ADAMTS18: variants seen among roughly 807,000 people sequenced by gnomAD.
ADAMTS18 encodes the protein ADAM metallopeptidase with thrombospondin type 1 motif 18, also known as A disintegrin and metalloproteinase with thrombospondin motifs 18.
In ADAMTS18, 157 loss-of-function variants were observed where a neutral mutation model predicts 165.9. The ratio of observed to expected loss-of-function variants is 0.95; its 90% CI spans 0.83 to 1.08. The LOEUF (loss-of-function observed/expected upper bound fraction) is 1.08, where lower values mean the gene tolerates loss of function less well. Ranked by LOEUF, ADAMTS18 falls within the 50% of genes least tolerant of loss-of-function variation. ADAMTS18 has a pLI of 0.00. For missense variants in ADAMTS18, 2,040 were observed against 1,534.0 expected, an observed-to-expected ratio of 1.33 and a Z score of -5.51; for synonymous variants, 782 against 578.2, an observed-to-expected ratio of 1.35 and a Z score of -5.06.
intron 3 of ADAMTS18, among the ~76,000 whole-genome samples, chr16:77,421,489 T>A (rs1349529303): frequency 6.6e-6 from 1 of 152,264 alleles, no homozygotes; most frequent in Non-Finnish European, 1.5e-5. Flanking sequence ...CAGTACCACT[T>A]TCTCTTAAAC....
chr16:77,290,759 G>C (rs1043525887), intron 21 of ADAMTS18: 5 of 169,102 alleles, frequency 3.0e-5, no homozygotes, highest in African/African-American at 1.2e-4. Context: ...GTTTAAAAGC[G>C]AAGTATCCTT....
chr16:77,342,740 A>C (rs1216377527), intron 10 of ADAMTS18, among the ~76,000 whole-genome samples: 1 of 152,238 alleles, frequency 6.6e-6, no homozygotes, highest in Admixed American at 6.5e-5. Flanking sequence ...GGATCCTGTG[A>C]ATATGTGAAG....
intron 3 of ADAMTS18, among the ~76,000 whole-genome samples, chr16:77,407,254 T>C (rs2144820632): frequency 6.6e-6 from 1 of 152,174 alleles, no homozygotes; most frequent in Admixed American, 6.5e-5. Flanking sequence ...AGCATAAAAA[T>C]ATCAAACAGG....
At chr16:77,350,148 T>C (rs2056534971) in intron 10 of ADAMTS18, among the ~76,000 whole-genome samples, 1 of 152,224 alleles carries the variant, frequency 6.6e-6, no homozygotes, top group South Asian at 2.1e-4. Flanking sequence ...GGGCGCTCTC[T>C]CCACTTGTTA....
At position 77,388,450 on chromosome 16, in the gene ADAMTS18, A is replaced by G. The variant is rs574398768; in HGVS notation, c.496-20727T>C. On this transcript the variant is annotated intron_variant, in intron 3 of 22. Coordinates refer to ENST00000282849, the MANE Select transcript of ADAMTS18 (RefSeq NM_199355.4). ...TCAAAAACACTTCTCTTTAAGTCAT[A>G]ATATCAGAAAACATCGTGATCACGC... Among the ~76,000 whole-genome samples the G allele has an allele frequency of 4.0e-4, 61 of 152,268 alleles. 1 individual carries two copies. The highest frequency in any genetic ancestry group is 6.9e-4 in the Non-Finnish European group (47 of 68,022).
chr16:77,425,054 A>T (rs1055958253), intron 3 of ADAMTS18, among the ~76,000 whole-genome samples: 11 of 152,214 alleles, frequency 7.2e-5, no homozygotes, highest in Non-Finnish European at 1.2e-4. Context: ...GAGTCATAAA[A>T]TACTTTTGAA....
chr16:77,386,571 C>G (rs13330085), intron 3 of ADAMTS18, among the ~76,000 whole-genome samples: 1 of 152,140 alleles, frequency 6.6e-6, no homozygotes, highest in Non-Finnish European at 1.5e-5. Flanking sequence ...TCCAGTTCAT[C>G]AAAGCCCTAC....
At chr16:77,374,303 A>C (rs1305905733) in intron 3 of ADAMTS18, among the ~76,000 whole-genome samples, 1 of 152,152 alleles carries the variant, frequency 6.6e-6, no homozygotes, top group African/African-American at 2.4e-5. Context: ...ATATCAGAGA[A>C]GGAAACCAGA....
At chr16:77,289,137 C>T (rs2055312895) in intron 22 of ADAMTS18, 127 bp downstream of exon 22, 3 of 1,245,548 alleles carry the variant, frequency 2.4e-6, no homozygotes, top group South Asian at 2.4e-5. Context: ...AGCACTGTCA[C>T]ATAGACTTCG....
At chr16:77,318,522 G>A (rs927735000) in intron 16 of ADAMTS18, among the ~76,000 whole-genome samples, 4 of 152,072 alleles carry the variant, frequency 2.6e-5, no homozygotes, top group African/African-American at 9.7e-5. Flanking sequence ...GGTGGTTGTG[G>A]GCATTCAGGA....
At chr16:77,334,478 GTATATATTATATAGTATATATACTGT>G (rs1227812002) in intron 12 of ADAMTS18, among the ~76,000 whole-genome samples, 23 of 108,508 alleles carry the variant, frequency 2.1e-4, no homozygotes, top group African/African-American at 8.4e-4. Flanking sequence ...GTATATTATA[GTATATATTATATAGTATATATACTGT>G]ATATTATAGT....
rs745558999 is a variant in ADAMTS18, at chr16:77,355,961, T to A, written c.1439A>T (p.Gln480Leu). 4.3e-6 allele frequency: 7 copies of A among 1,614,096 alleles called. No homozygotes were observed. The highest frequency in any genetic ancestry group is 5.1e-6 in the Non-Finnish European group (6 of 1,179,958). ...GVFSWSSCSR[Q>L]YLKKFLSTPQ... ...ATACCTGAGGAATTTCTTGAGATAC[T>A]GGCGGCTGCAGGAAGACCATGAAAA... The change falls in exon 9 of 23, where the codon CAG (glutamine) becomes CTG (leucine). Residue 480 changes from glutamine to leucine, a missense_variant. Physicochemically the swap from Gln to Leu is moderately radical, Grantham distance 113. Transcript: ENST00000282849.
chr16:77,298,523 G>A (rs766135199), intron 17 of ADAMTS18, among the ~76,000 whole-genome samples: 24 of 152,148 alleles, frequency 1.6e-4, no homozygotes, highest in Non-Finnish European at 2.2e-4. Context: ...CGGGCACGAT[G>A]GCTCACACTG....
intron 20 of ADAMTS18, 109 bp from the exon 21 acceptor site, chr16:77,291,587 G>C (rs2055365988): frequency 1.8e-6 from 2 of 1,101,006 alleles, no homozygotes; most frequent in Non-Finnish European, 2.8e-6. Context: ...AGGAGGGATG[G>C]GATTACACAA....
At chr16:77,402,525 G>C (rs894984485) in intron 3 of ADAMTS18, among the ~76,000 whole-genome samples, 3 of 152,174 alleles carry the variant, frequency 2.0e-5, no homozygotes, top group Non-Finnish European at 4.4e-5. Context: ...CTACTTGTAA[G>C]CGGTGGCCGA....
intron 3 of ADAMTS18, among the ~76,000 whole-genome samples, chr16:77,368,439 T>C (rs1426939530): frequency 1.5e-5 from 2 of 131,884 alleles, no homozygotes; most frequent in Admixed American, 1.4e-4. Context: ...CTTTTTTTCT[T>C]TTTTTTTTTT....
intron 11 of ADAMTS18, among the ~76,000 whole-genome samples, chr16:77,340,952 C>G (rs984658546): frequency 9.9e-5 from 15 of 152,092 alleles, no homozygotes; most frequent in African/African-American, 3.4e-4. Flanking sequence ...TTAAGATCAG[C>G]AAACCTGTAA....
At chr16:77,408,626 G>A (rs1006776617) in intron 3 of ADAMTS18, among the ~76,000 whole-genome samples, 2 of 152,130 alleles carry the variant, frequency 1.3e-5, no homozygotes, top group African/African-American at 4.8e-5. Flanking sequence ...TTGATTGCAT[G>A]TATACAAAGT....
At chr16:77,326,141 G>T in intron 12 of ADAMTS18, 103 bp from the exon 13 acceptor site, 2 of 1,139,348 alleles carry the variant, frequency 1.8e-6, no homozygotes, top group Middle Eastern at 2.3e-4. Flanking sequence ...CACTGCCACA[G>T]TGTATGCAAA....
Sources: allele counts gnomAD v4.1 joint callset (sites outside exome capture counted in the v4.1 genomes callset), GRCh38; gene constraint gnomAD v4.1.1; transcripts MANE v1.5; gene names NCBI Gene and HGNC (gene_info 2026-07-23, HGNC 2026-07-21).